The following SPOCK3 variants were observed in gnomAD, a reference collection of about 807,000 sequenced individuals.
The protein encoded by SPOCK3 is SPARC (osteonectin), cwcv and kazal like domains proteoglycan 3.
SPOCK3 carries 30 observed loss-of-function variants against 56.6 expected under a neutral mutation model. That is an observed-to-expected ratio of 0.53 (90% CI 0.40 to 0.72). The LOEUF (loss-of-function observed/expected upper bound fraction) is 0.72, where lower values mean the gene tolerates loss of function less well. Ranked by LOEUF, SPOCK3 falls within the 30% of genes least tolerant of loss-of-function variation. SPOCK3 has a pLI of 0.00. For missense variants in SPOCK3, 527 were observed against 530.0 expected, an observed-to-expected ratio of 0.99 and a Z score of 0.06; for synonymous variants, 196 against 183.3, an observed-to-expected ratio of 1.07 and a Z score of -0.56.
intron 6 of SPOCK3, among the ~76,000 whole-genome samples, chr4:166,797,565 T>C (rs1476475974): frequency 6.6e-6 from 1 of 152,062 alleles, no homozygotes; most frequent in Non-Finnish European, 1.5e-5. Flanking sequence ...AGGCCAATTA[T>C]GAATCATCTA....
At chr4:166,886,115 TC>T (rs1422983553) in intron 6 of SPOCK3, among the ~76,000 whole-genome samples, 3 of 152,170 alleles carry the variant, frequency 2.0e-5, no homozygotes, top group African/African-American at 7.2e-5. Flanking sequence ...ATACATAAAA[TC>T]TGTAGAAAAT....
rs1251282512 is a variant in SPOCK3 at position 166,959,753 on chromosome 4, G to A, written c.350+40596C>T. 2.6e-5 allele frequency among the ~76,000 whole-genome samples: 4 copies of A among 152,160 alleles called. No homozygotes were observed. In the East Asian group the frequency reaches 7.7e-4, roughly 29 times the overall value. Reference sequence around the variant, plus strand: ...ACCTTGTAGAGCTAGAGCTGAGATAGTATTTTCTAAAGACCAGTAATACTA... The same window carrying A: ...ACCTTGTAGAGCTAGAGCTGAGATAATATTTTCTAAAGACCAGTAATACTA... On this transcript the variant is annotated intron_variant, in intron 4 of 10. Coordinates refer to ENST00000357545, the MANE Select transcript of SPOCK3 (RefSeq NM_001040159.2).
At chr4:166,828,324 C>A (rs961153255) in intron 6 of SPOCK3, among the ~76,000 whole-genome samples, 2 of 151,748 alleles carry the variant, frequency 1.3e-5, no homozygotes, top group African/African-American at 4.8e-5. Context: ...TTTTTATAAC[C>A]TAAATTTTTC....
chr4:166,883,869 C>A (rs746843198), intron 6 of SPOCK3, among the ~76,000 whole-genome samples: 1 of 151,966 alleles, frequency 6.6e-6, no homozygotes, highest in Non-Finnish European at 1.5e-5. Flanking sequence ...AAATTATAAC[C>A]GCTAAAACAT....
intron 2 of SPOCK3, among the ~76,000 whole-genome samples, chr4:167,218,049 C>T (rs898448323): frequency 2.0e-5 from 3 of 152,022 alleles, no homozygotes; most frequent in African/African-American, 7.2e-5. Flanking sequence ...TAAGAACAAA[C>T]TTTTTTTAAT....
At chr4:167,159,373 C>T (rs547693027) in intron 2 of SPOCK3, among the ~76,000 whole-genome samples, 1 of 151,974 alleles carries the variant, frequency 6.6e-6, no homozygotes, top group East Asian at 1.9e-4. Flanking sequence ...TCCATTTGCC[C>T]TTCTCTCATA....
chr4:167,042,031 A>G (rs1753274233), intron 3 of SPOCK3, among the ~76,000 whole-genome samples: 1 of 152,172 alleles, frequency 6.6e-6, no homozygotes, highest in Non-Finnish European at 1.5e-5. Context: ...TCAAAATTCC[A>G]TTTTCCCTCC....
intron 6 of SPOCK3, among the ~76,000 whole-genome samples, chr4:166,798,232 T>C (rs565452717): frequency 6.6e-6 from 1 of 152,348 alleles, no homozygotes; most frequent in Admixed American, 6.5e-5. Context: ...GCAAAAAGTT[T>C]CCATTAAGAC....
rs113760781 is a variant in SPOCK3 at position 166,785,088 on chromosome 4, A to G, written c.709+7082T>C. Among the ~76,000 whole-genome samples the G allele has an allele frequency of 6.4e-3, 979 of 152,236 alleles. 13 individuals carry two copies. Among genetic ancestry groups the G allele is most frequent in the African/African-American group, 0.022 (904 of 41,562 alleles). Reference sequence around the variant, plus strand: ...GCACAACATATTCTTATTGAATAAAACATCACCAAGCATTTTCATGCTAAT... The same window carrying G: ...GCACAACATATTCTTATTGAATAAAGCATCACCAAGCATTTTCATGCTAAT... On this transcript the variant is annotated intron_variant, in intron 7 of 10. Transcript: ENST00000357545.
intron 8 of SPOCK3, among the ~76,000 whole-genome samples, chr4:166,745,468 T>C (rs924152102): frequency 6.6e-6 from 1 of 152,190 alleles, no homozygotes; most frequent in Non-Finnish European, 1.5e-5. Context: ...AGGCCTGCCT[T>C]ATAAGAGCTC....
chr4:166,906,092 G>A (rs906278013), intron 5 of SPOCK3, among the ~76,000 whole-genome samples: 10 of 151,844 alleles, frequency 6.6e-5, no homozygotes, highest in Admixed American at 1.3e-4. Flanking sequence ...AAATGCAAAG[G>A]GTAAACACCA....
At chr4:166,802,997 A>C (rs1353071499) in intron 6 of SPOCK3, among the ~76,000 whole-genome samples, 14 of 152,140 alleles carry the variant, frequency 9.2e-5, no homozygotes, top group Admixed American at 9.2e-4. Flanking sequence ...TTTCTGTTGC[A>C]CAAAAGTGTA....
intron 2 of SPOCK3, among the ~76,000 whole-genome samples, chr4:167,129,808 C>T (rs1214166229): frequency 6.6e-6 from 1 of 151,960 alleles, no homozygotes; most frequent in African/African-American, 2.4e-5. Flanking sequence ...GAAAAACTGT[C>T]AGTTTTGAAA....
intron 2 of SPOCK3, among the ~76,000 whole-genome samples, chr4:167,109,364 A>T (rs1172896619): frequency 6.6e-4 from 44 of 66,256 alleles, no homozygotes; most frequent in Non-Finnish European, 1.1e-3. Context: ...ATATATATTT[A>T]TATATATATT....
At chr4:166,975,402 TG>T (rs1433769514) in intron 4 of SPOCK3, among the ~76,000 whole-genome samples, 2 of 152,154 alleles carry the variant, frequency 1.3e-5, no homozygotes, top group Admixed American at 6.5e-5. Flanking sequence ...TATAAATTTA[TG>T]GGGGTACATG....
intron 6 of SPOCK3, among the ~76,000 whole-genome samples, chr4:166,801,336 A>C (rs995693319): frequency 6.6e-6 from 1 of 152,160 alleles, no homozygotes; most frequent in Non-Finnish European, 1.5e-5. Flanking sequence ...GTTTTAAGTT[A>C]CCATCTTTCC....
At chr4:166,942,100 T>A (rs910668509) in intron 4 of SPOCK3, among the ~76,000 whole-genome samples, 1 of 152,254 alleles carries the variant, frequency 6.6e-6, no homozygotes, top group African/African-American at 2.4e-5. Flanking sequence ...TAAATGTTAC[T>A]GTATCTCCCT....
chr4:167,002,376 T>C (rs1206236964), intron 3 of SPOCK3, among the ~76,000 whole-genome samples: 20 of 151,656 alleles, frequency 1.3e-4, no homozygotes, highest in Admixed American at 1.2e-3. Context: ...TACATAACCA[T>C]GAGATTTAAA....
At chr4:167,132,571 G>C (rs557929987) in intron 2 of SPOCK3, among the ~76,000 whole-genome samples, 1 of 152,094 alleles carries the variant, frequency 6.6e-6, no homozygotes, top group Non-Finnish European at 1.5e-5. Context: ...AGACTATATT[G>C]CTTTCATTTG....
Sources: gnomAD v4.1 joint callset for allele counts (sites outside exome capture counted in the v4.1 genomes callset) on GRCh38, gnomAD v4.1.1 for gene constraint, MANE v1.5 for transcripts, NCBI Gene and HGNC (gene_info 2026-07-23, HGNC 2026-07-21) for gene names.